ANKRD35: variants seen among roughly 807,000 people sequenced by gnomAD.
ANKRD35 encodes ankyrin repeat domain-containing protein 35.
In ANKRD35, 102 loss-of-function variants were observed where a neutral mutation model predicts 109.9. The observed-to-expected ratio is 0.93, with a 90% CI of 0.79 to 1.09. ANKRD35 has a LOEUF of 1.09. ANKRD35 is among the 50% of genes least tolerant of loss of function. ANKRD35 has a pLI of 0.00. For missense variants in ANKRD35, 1,240 were observed against 1,230.1 expected (o/e 1.01, Z -0.12); for synonymous variants, 515 against 512.4 (o/e 1.01, Z -0.07).
chr1:145,881,896 T>A (rs1654299885), intron 1 of ANKRD35, among the ~76,000 whole-genome samples: 1 of 152,032 alleles, frequency 6.6e-6, no homozygotes, highest in Non-Finnish European at 1.5e-5. Context: ...ACAGCCAAGC[T>A]GTACAGATGG....
intron 10 of ANKRD35, among the ~76,000 whole-genome samples, chr1:145,871,190 G>A (rs1304442944): frequency 1.1e-5 from 1 of 88,196 alleles, no homozygotes; most frequent in African/African-American, 4.3e-5. Flanking sequence ...TTGAGACAGA[G>A]TCTTGCTGTG....
At chr1:145,870,467 TAAGAAAACTGAG>T (rs1653768969) in intron 10 of ANKRD35, among the ~76,000 whole-genome samples, 1 of 152,152 alleles carries the variant, frequency 6.6e-6, no homozygotes, top group Admixed American at 6.5e-5. Flanking sequence ...ATTTTATAGA[TAAGAAAACTGAG>T]GACTAGAGAT....
intron 1 of ANKRD35, 103 bp from the exon 2 acceptor site, chr1:145,879,491 C>G (rs1410644566): frequency 7.8e-7 from 1 of 1,274,774 alleles, no homozygotes; most frequent in Non-Finnish European, 1.0e-6. Flanking sequence ...AAGGAACATC[C>G]CTTTTTCTCT....
chr1:145,876,029 C>G, intron 7 of ANKRD35, 111 bp downstream of exon 7: 1 of 953,372 alleles, frequency 1.0e-6, no homozygotes, highest in South Asian at 1.6e-5. Flanking sequence ...CAAAGACCAA[C>G]CTGACTTCTT....
rs1341067393 is a variant in ANKRD35, at chr1:145,876,236, G to A, written c.464C>T (p.Thr155Ile). Reference protein sequence around the residue: ...FLDVLDNDGRTPLMIASLGGH... With the variant: ...FLDVLDNDGRIPLMIASLGGH... ...ACCCAGCGATGCGATCATCAGGGGT[G>A]TACGTCCATCCTGCACAGATTGTAG... Residue 155 changes from threonine to isoleucine, a missense_variant, in exon 7 of 14, where the codon ACA becomes ATA. Transcript: ENST00000355594. 4 of 1,613,444 alleles carry A rather than the reference G, an allele frequency of 2.5e-6. No individual in the cohort carries two copies. The highest frequency in any genetic ancestry group is 2.2e-5 in the East Asian group (1 of 44,880).
At chr1:145,867,486 T>C in intron 12 of ANKRD35, 94 bp from the exon 13 acceptor site, 1 of 1,036,042 alleles carries the variant, frequency 9.7e-7, no homozygotes, top group Non-Finnish European at 1.5e-6. Flanking sequence ...TGGAAGGCTA[T>C]TTATTTACTA....
At chr1:145,871,447 G>A (rs1553738640) in intron 10 of ANKRD35, among the ~76,000 whole-genome samples, 1 of 152,134 alleles carries the variant, frequency 6.6e-6, no homozygotes. Flanking sequence ...ACAGGCGTGA[G>A]CCACCGCGCC....
In ANKRD35 at chr1:145,872,860, C is replaced by T; in HGVS notation, c.1909G>A (p.Glu637Lys). The change falls in exon 10 of 14, where the codon GAG (glutamate) becomes AAG (lysine). Residue 637 changes from glutamate (E) to lysine (K), a missense_variant. Glu to Lys is a moderately conservative substitution (Grantham distance 56). Transcript: ENST00000355594. ...AGCTCCCTCTGCAACCTCTGCCGCT[C>T]CCGCCCCAACTCCCCTAACTCCTCC... ...LLEELGELGR[E>K]RQRLQRELQS... 1.9e-6 allele frequency: 3 copies of T among 1,614,132 alleles called. No homozygotes were observed. The highest frequency in any genetic ancestry group is 1.7e-6 in the Non-Finnish European group (2 of 1,180,038).
At chr1:145,882,216 A>T (rs1315867923) in intron 1 of ANKRD35, among the ~76,000 whole-genome samples, 1 of 151,078 alleles carries the variant, frequency 6.6e-6, no homozygotes, top group Non-Finnish European at 1.5e-5. Context: ...GGCCTCCCAA[A>T]GTGCTGGGAT....
intron 3 of ANKRD35, 29 bp from the exon 4 acceptor site, chr1:145,878,061 G>T (rs587722996): frequency 3.7e-6 from 6 of 1,603,438 alleles, no homozygotes; most frequent in Middle Eastern, 3.4e-4. Flanking sequence ...GAGAAGGAGG[G>T]TAGGTGGCCC....
intron 1 of ANKRD35, among the ~76,000 whole-genome samples, chr1:145,883,969 G>A (rs1654389651): frequency 6.6e-6 from 1 of 152,170 alleles, no homozygotes; most frequent in Non-Finnish European, 1.5e-5. Context: ...TAGAATGGGT[G>A]GTCATTCTTT....
At chr1:145,869,036 T>A (rs1653708268) in intron 10 of ANKRD35, among the ~76,000 whole-genome samples, 1 of 152,168 alleles carries the variant, frequency 6.6e-6, no homozygotes, top group Non-Finnish European at 1.5e-5. Context: ...CCTAATTTTG[T>A]ATATGGGCTT....
In ANKRD35 at chr1:145,873,670, C is replaced by T. The variant is rs782334253; in HGVS notation, c.1099G>A (p.Asp367Asn). The T allele has an allele frequency of 7.4e-6, 12 of 1,614,146 alleles. 1 individual carries two copies. In the South Asian group the frequency reaches 1.1e-4, roughly 15 times the overall value. ...TTAGGACAACCCTGCTCCATGCCAT[C>T]CCCTCCAGGCCGGAGACTAGAGCCT... ...KQGSSLRPGGDGMEQGCPKDL... is the reference protein window; with the variant it reads ...KQGSSLRPGGNGMEQGCPKDL... Residue 367 changes from aspartate (D) to asparagine (N), a missense_variant, in exon 10 of 14, where the codon GAT becomes AAT. Asp to Asn is a conservative substitution (Grantham distance 23). Coordinates refer to ENST00000355594, the MANE Select transcript of ANKRD35 (RefSeq NM_144698.5).
At position 145,878,401 on chromosome 1, in the gene ANKRD35, C is replaced by G; in HGVS notation, c.249G>C (p.Lys83Asn). Residue 83 changes from lysine (K) to asparagine (N), a missense_variant, in exon 3 of 14, where the codon AAG becomes AAC. By Grantham distance (94) the Lys-to-Asn change is moderately conservative (BLOSUM62 0). Transcript: ENST00000355594. ...CTCCGGCTCACTCACCATCCTCATT[C>G]TTGCTGTTGATGTCAGCCCCATTTG... The part of the protein sequence containing the change: ...LLANGADINS[K>N]NEDGSTALHL... The G allele has an allele frequency of 6.4e-7, 1 of 1,567,248 alleles. No homozygotes were observed. Among genetic ancestry groups the G allele is most frequent in the Non-Finnish European group, 8.7e-7 (1 of 1,155,030 alleles).
In ANKRD35 at chr1:145,873,809, T is replaced by G. The variant is rs781797440; in HGVS notation, c.960A>C (p.Thr320=). ...CTGCAGCTTGAGTCTTACACTCTTC[T>G]GTCTTTTGCACCAGCTCCTGCTCCA... The part of the protein sequence containing the change: ...VRLEQELVQK[T]EECKTQAAAY... Residue 320 remains threonine (T), a synonymous_variant, in exon 10 of 14, where the codon ACA becomes ACC. Coordinates refer to ENST00000355594, the MANE Select transcript of ANKRD35 (RefSeq NM_144698.5). The G allele has an allele frequency of 6.2e-7, 1 of 1,609,038 alleles. No homozygotes were observed. Among genetic ancestry groups the G allele is most frequent in the Non-Finnish European group, 8.5e-7 (1 of 1,177,510 alleles).
At chr1:145,876,055 A>C (rs1654057225) in intron 7 of ANKRD35, 85 bp downstream of exon 7, 4 of 715,960 alleles carry the variant, frequency 5.6e-6, no homozygotes, top group Non-Finnish European at 8.3e-6. Context: ...ACACACACAA[A>C]CACACACACA....
Position 145,874,955 on chromosome 1 carries a change from C to T in ANKRD35, c.612G>A (p.Leu204=), listed in dbSNP as rs372491818. Residue 204 remains leucine (L), a synonymous_variant, in exon 8 of 14, where the codon CTG becomes CTA. Transcript: ENST00000355594. ...CCGCGTCAGCTCCGTGGCTCAGGAG[C>T]AGTTCAGCCACCTCGGCACTGCCTT... ...CEKGSAEVAE[L]LLSHGADAGA... 2.0e-5 allele frequency: 33 copies of T among 1,612,814 alleles called. No homozygotes were observed. In the African/African-American group the frequency reaches 4.0e-4, roughly 20 times the overall value.
chr1:145,876,395 C>T, intron 6 of ANKRD35, 149 bp from the exon 7 acceptor site: 1 of 1,126,162 alleles, frequency 8.9e-7, no homozygotes, highest in Non-Finnish European at 1.3e-6. Context: ...GTTAGAAGCT[C>T]TCCAGAAGAT....
chr1:145,881,773 T>C (rs11577342), intron 1 of ANKRD35, among the ~76,000 whole-genome samples: 53,784 of 151,844 alleles, frequency 0.35, 9,920 homozygotes, highest in East Asian at 0.57. Flanking sequence ...TCGGTGTCTG[T>C]CACATAGTAG....
Sources: gnomAD v4.1 joint callset for allele counts (sites outside exome capture counted in the v4.1 genomes callset) on GRCh38, gnomAD v4.1.1 for gene constraint, MANE v1.5 for transcripts, NCBI Gene and HGNC (gene_info 2026-07-23, HGNC 2026-07-21) for gene names.